CHRNB1: variants seen among roughly 807,000 people sequenced by gnomAD.
CHRNB1 encodes the protein cholinergic receptor nicotinic beta 1 subunit.
Under a neutral mutation model 53.8 loss-of-function variants are expected in CHRNB1, and 47 were observed. The observed-to-expected ratio is 0.87, with a 90% confidence interval of 0.69 to 1.11. The LOEUF (loss-of-function observed/expected upper bound fraction) is 1.11, where lower values mean the gene tolerates loss of function less well. CHRNB1 is among the 50% of genes most tolerant of loss of function. The pLI is 0.00. For missense variants in CHRNB1, 605 were observed against 654.9 expected (o/e 0.92, Z 0.83); for synonymous variants, 259 against 263.5 (o/e 0.98, Z 0.16).
Position 7,445,357 on chromosome 17 carries a change from G to A in CHRNB1, c.146G>A (p.Gly49Glu). Residue 49 changes from glycine (G) to glutamate (E), a missense_variant, in exon 2 of 11, where the codon GGA becomes GAA. Coordinates refer to ENST00000306071, the MANE Select transcript of CHRNB1 (RefSeq NM_000747.3). This position sits in a 1 kb window ranked among gnomAD's most constrained non-coding sequence, Gnocchi z 5.7. ...TCCGTGCGGCCAGCGCGGGAGGTGGGAGACCGTGTCAGGGTCAGCGTTGGT... is the reference window on the plus strand; with the variant it reads ...TCCGTGCGGCCAGCGCGGGAGGTGGAAGACCGTGTCAGGGTCAGCGTTGGT... ...DSSVRPAREV[G>E]DRVRVSVGLI... The A allele has an allele frequency of 6.2e-7, 1 of 1,613,036 alleles. No individual in the cohort carries two copies. Among genetic ancestry groups the A allele is most frequent in the Non-Finnish European group, 8.5e-7 (1 of 1,179,822 alleles).
At position 7,454,371 on chromosome 17, in the gene CHRNB1, C is replaced by T. The variant is rs748428224; in HGVS notation, c.895C>T (p.Pro299Ser). 3 of 1,614,170 alleles carry T rather than the reference C, an allele frequency of 1.9e-6. 1 individual carries two copies. The highest frequency in any genetic ancestry group is 2.5e-6 in the Non-Finnish European group (3 of 1,180,020). ...VFLLLLADKV[P>S]ETSLSVPIII... Reference sequence around the variant, plus strand: ...CCTGCTGCTGCTGGCTGACAAAGTACCTGAGACCTCACTATCAGTACCCAT... The same window carrying T: ...CCTGCTGCTGCTGGCTGACAAAGTATCTGAGACCTCACTATCAGTACCCAT... Residue 299 changes from proline (P) to serine (S), a missense_variant, in exon 8 of 11, where the codon CCT becomes TCT. By Grantham distance (74) the Pro-to-Ser change is moderately conservative. Transcript: ENST00000306071.
In CHRNB1 at chr17:7,454,681, C is replaced by G. The variant is rs4796418; in HGVS notation, c.1044+161C>G. Among the ~76,000 whole-genome samples, 24,809 of 151,912 alleles carry G rather than the reference C, an allele frequency of 0.16. 2,207 individuals carry two copies. The highest frequency in any genetic ancestry group is 0.21 in the South Asian group (1,027 of 4,806). ...ATTATCATTTCACAGATCCCATACTCTCTTCATCAATACTGCCCATCTCGG... is the reference window on the plus strand; with the variant it reads ...ATTATCATTTCACAGATCCCATACTGTCTTCATCAATACTGCCCATCTCGG... On this transcript the variant is annotated intron_variant, in intron 8 of 10. Coordinates refer to ENST00000306071, the MANE Select transcript of CHRNB1 (RefSeq NM_000747.3).
intron 7 of CHRNB1, among the ~76,000 whole-genome samples, chr17:7,450,508 G>A (rs532143167): frequency 1.1e-4 from 16 of 152,222 alleles, no homozygotes; most frequent in African/African-American, 2.9e-4. Flanking sequence ...TGTCCCTACC[G>A]CCTAGAATTA....
intron 2 of CHRNB1, 42 bp from the exon 3 acceptor site, chr17:7,446,027 C>T: frequency 1.0e-5 from 16 of 1,595,966 alleles, no homozygotes; most frequent in Non-Finnish European, 1.3e-5. Flanking sequence ...TCATTTCTCT[C>T]CACCCTACTT....
chr17:7,452,181 G>A (rs777550060), intron 7 of CHRNB1, among the ~76,000 whole-genome samples: 2 of 151,336 alleles, frequency 1.3e-5, no homozygotes, highest in East Asian at 1.9e-4. Flanking sequence ...TCAGCCTCCC[G>A]AGTAGCTGGG....
chr17:7,448,183 G>A (rs896958251), intron 6 of CHRNB1, among the ~76,000 whole-genome samples: 2 of 148,712 alleles, frequency 1.3e-5, no homozygotes, highest in African/African-American at 2.5e-5. Context: ...TCAGGAGTTC[G>A]AGACCACCCT....
chr17:7,455,406 A>C lies in CHRNB1; in HGVS notation c.1167A>C (p.Glu389Asp). Residue 389 changes from glutamate to aspartate, a missense_variant, in exon 9 of 11, where the codon GAA (glutamate) becomes GAC (aspartate). Coordinates refer to ENST00000306071, the MANE Select transcript of CHRNB1 (RefSeq NM_000747.3). ...GTGGCTGGGGTCGGGGAACAGATGA[A>C]TATTTCATCCGGAAGCCGCCAAGTG... ...PGSGWGRGTD[E>D]YFIRKPPSDF... 1.9e-6 allele frequency: 3 copies of C among 1,614,168 alleles called. No individual in the cohort carries two copies. The highest frequency in any genetic ancestry group is 2.2e-5 in the East Asian group (1 of 44,878).
intron 7 of CHRNB1, among the ~76,000 whole-genome samples, 164 bp downstream of exon 7, chr17:7,448,952 C>T (rs1908775852): frequency 6.6e-6 from 1 of 152,008 alleles, no homozygotes; most frequent in Admixed American, 6.5e-5. Context: ...TTCCTCCGCT[C>T]AGTGAAACTG....
rs550359677 is a variant in CHRNB1, at chr17:7,446,582, A to G, written c.244-251A>G. The stretch of plus-strand genomic sequence containing the variant: ...CGAACTGCAGTTTGAAAACCGTTTT[A>G]GAGGCTAGCTACTGCAGCCTCCTCA... On this transcript the variant is annotated intron_variant, in intron 3 of 10. Coordinates refer to ENST00000306071, the MANE Select transcript of CHRNB1 (RefSeq NM_000747.3). 1.1e-4 allele frequency: 65 copies of G among 575,608 alleles called. 1 individual carries two copies. The East Asian group carries it at 1.8e-3, about 16-fold the overall frequency. The allele number at this position is 575,608 out of a possible 1,614,324, so 35.7% of individuals were successfully genotyped here.
chr17:7,448,073 T>TA (rs1381894974), intron 6 of CHRNB1, among the ~76,000 whole-genome samples: 1 of 8,824 alleles, frequency 1.1e-4, no homozygotes, highest in African/African-American at 6.3e-4. Flanking sequence ...AAAGTTCGTC[T>TA]CAAAAAAAAA....
chr17:7,446,118 G>A lies in CHRNB1; in HGVS notation c.243+5G>A. 1 of 1,613,426 alleles carries A rather than the reference G, an allele frequency of 6.2e-7. No homozygotes were observed. The highest frequency in any genetic ancestry group is 1.1e-5 in the South Asian group (1 of 91,086). ...ACAAAGGTGTACTTAGACCTGGTAT[G>A]GAGACCCCACGGGGTGGGAAAGGGC... On this transcript the variant is annotated splice_donor_5th_base_variant and intron_variant, in intron 3 of 10. Transcript: ENST00000306071.
Position 7,455,317 on chromosome 17 carries a change from C to T in CHRNB1, c.1078C>T (p.Leu360=), listed in dbSNP as rs1396799925. The T allele has an allele frequency of 3.1e-6, 5 of 1,614,042 alleles. No homozygotes were observed. The highest frequency in any genetic ancestry group is 2.5e-6 in the Non-Finnish European group (3 of 1,180,044). ...FIHKLPLYLR[L]KRPKPERDLM... is the part of the protein sequence containing the mutation. ...TCACAAACTTCCGCTGTACCTGCGT[C>T]TAAAAAGGCCCAAACCCGAGAGAGA... is the stretch of plus-strand genomic sequence containing the variant. Residue 360 remains leucine (L), a synonymous_variant, in exon 9 of 11, where the codon CTA becomes TTA. Coordinates refer to ENST00000306071, the MANE Select transcript of CHRNB1 (RefSeq NM_000747.3).
At position 7,448,425 on chromosome 17, in the gene CHRNB1, C is replaced by T. The variant is rs61301847; in HGVS notation, c.611-154C>T. On this transcript the variant is annotated intron_variant, in intron 6 of 10. Coordinates refer to ENST00000306071, the MANE Select transcript of CHRNB1 (RefSeq NM_000747.3). ...AAAAATATGGAAATTGAGACTTGCC[C>T]AAGTTTATTAGAGATGGGCTACTCA... 0.052 allele frequency among the ~76,000 whole-genome samples: 7,875 copies of T among 152,142 alleles called. 653 individuals are homozygous for T. Among genetic ancestry groups the T allele is most frequent in the African/African-American group, 0.18 (7,427 of 41,484 alleles).
intron 3 of CHRNB1, 92 bp downstream of exon 3, chr17:7,446,205 G>A: frequency 9.0e-7 from 1 of 1,116,414 alleles, no homozygotes; most frequent in Non-Finnish European, 1.4e-6. Flanking sequence ...TTTACATCAT[G>A]ACTTTAGATA....
chr17:7,446,746 T>C, intron 3 of CHRNB1, 87 bp from the exon 4 acceptor site: 6 of 1,046,066 alleles, frequency 5.7e-6, no homozygotes, highest in Non-Finnish European at 8.8e-6. Context: ...TCCCCTTCCT[T>C]GCACTCCCTT....
rs1189108438 is a variant in CHRNB1, at chr17:7,445,835, AG to A, written c.199-232del. ...CGGGGACAGAGCTAGGCGGAGGGCT[AG>A]GCAGGGGCGGGTCTGGTAGGTTGAT... On this transcript the variant is annotated intron_variant, in intron 2 of 10. Transcript: ENST00000306071. The surrounding 1 kb of genome is among the most constrained non-coding windows in gnomAD (Gnocchi z 5.7). 3.2e-6 allele frequency: 2 copies of A among 623,426 alleles called. No homozygotes were observed. Among genetic ancestry groups the A allele is most frequent in the Admixed American group, 5.5e-5 (2 of 36,264 alleles). 38.6% of individuals were successfully genotyped at this position (623,426 alleles called of 1,614,324 possible).
intron 7 of CHRNB1, among the ~76,000 whole-genome samples, chr17:7,452,995 G>C (rs1908941573): frequency 6.6e-6 from 1 of 152,214 alleles, no homozygotes; most frequent in African/African-American, 2.4e-5. Context: ...CTAAACTCCA[G>C]CCTGGGTGAC....
intron 10 of CHRNB1, 33 bp downstream of exon 10, chr17:7,455,974 C>A: frequency 6.2e-7 from 1 of 1,603,782 alleles, no homozygotes. Flanking sequence ...AAGGCCAGGT[C>A]TAGGCGACCT....
chr17:7,456,049 C>CT (rs528936191), intron 10 of CHRNB1, 108 bp downstream of exon 10: 11,528 of 519,456 alleles, frequency 0.022, 186 homozygotes, highest in African/African-American at 0.051. Context: ...TTTTTTTTGG[C>CT]TTTTTTTTTT....
Sources: allele counts gnomAD v4.1 joint callset (sites outside exome capture counted in the v4.1 genomes callset), GRCh38; gene constraint gnomAD v4.1.1; non-coding constraint Gnocchi (gnomAD v3.1); transcripts MANE v1.5; gene names NCBI Gene and HGNC (gene_info 2026-07-23, HGNC 2026-07-21).